The following NTRK3 variants were observed in gnomAD, a reference collection of about 807,000 sequenced individuals.
NTRK3 encodes neurotrophic receptor tyrosine kinase 3.
Under a neutral mutation model 91.7 loss-of-function variants are expected in NTRK3, and 24 were observed. That is an observed-to-expected ratio of 0.26 (90% CI 0.19 to 0.37). The LOEUF (loss-of-function observed/expected upper bound fraction) is 0.37. Ranked by LOEUF, NTRK3 falls within the 10% of genes least tolerant of loss-of-function variation. The probability of loss-of-function intolerance (pLI) is 1.00; values close to 1 mark genes in which losing one functional copy is unlikely to be tolerated. For synonymous variants in NTRK3, 483 were observed against 404.0 expected, an observed-to-expected ratio of 1.20 and a Z score of -2.34; for missense variants, 880 against 1,068.9, an observed-to-expected ratio of 0.82 and a Z score of 2.46.
intron 13 of NTRK3, among the ~76,000 whole-genome samples, chr15:88,041,414 C>G (rs149036788): frequency 8.3e-4 from 126 of 152,314 alleles, no homozygotes; most frequent in Middle Eastern, 3.4e-3. Context: ...TAGGCACTCA[C>G]TAGGACTGCA....
intron 14 of NTRK3, among the ~76,000 whole-genome samples, chr15:88,010,407 T>C (rs959409077): frequency 1.3e-5 from 2 of 152,224 alleles, no homozygotes; most frequent in Non-Finnish European, 2.9e-5. Context: ...CCACCGCCTC[T>C]ATAATGATTT....
At chr15:87,894,209 C>T (rs764685784) in intron 17 of NTRK3, among the ~76,000 whole-genome samples, 9 of 152,216 alleles carry the variant, frequency 5.9e-5, no homozygotes, top group Non-Finnish European at 8.8e-5. Flanking sequence ...TTCCACCTTG[C>T]TTGGCTGTCT....
chr15:88,042,070 G>A (rs2079678836), intron 13 of NTRK3, among the ~76,000 whole-genome samples: 1 of 152,040 alleles, frequency 6.6e-6, no homozygotes, highest in Admixed American at 6.6e-5. Context: ...TTAAGAAAAT[G>A]ATTTTTTTAA....
chr15:88,243,477 C>G lies in NTRK3; in HGVS notation c.248+12429G>C, dbSNP rs1288322203. Among the ~76,000 whole-genome samples, 2 of 151,742 alleles carry G rather than the reference C, an allele frequency of 1.3e-5. No homozygotes were observed. Among genetic ancestry groups the G allele is most frequent in the African/African-American group, 4.9e-5 (2 of 41,216 alleles). ...GCTGGAGTTTCTTCACCAGTAAAGC[C>G]CAAAGCTTAGCAGTGACCCCTACCC... On this transcript the variant is annotated intron_variant, in intron 3 of 18. Transcript: ENST00000394480. The surrounding 1 kb of genome is among the most constrained non-coding windows in gnomAD (Gnocchi z 4.8).
chr15:87,926,189 A>G (rs2068292571), intron 17 of NTRK3, among the ~76,000 whole-genome samples: 1 of 152,212 alleles, frequency 6.6e-6, no homozygotes, highest in Non-Finnish European at 1.5e-5. Flanking sequence ...CAATATGGAT[A>G]ATAAGACTTC....
exon 19 of NTRK3, chr15:87,874,477 T>C (rs1461158867): frequency 4.3e-6 from 1 of 232,106 alleles, no homozygotes; most frequent in Non-Finnish European, 8.5e-6. Flanking sequence ...GCCCTGAAGA[T>C]AAAACCATAG....
chr15:88,146,180 T>G (rs1373276467), intron 6 of NTRK3, among the ~76,000 whole-genome samples: 1 of 152,198 alleles, frequency 6.6e-6, no homozygotes, highest in Non-Finnish European at 1.5e-5. Context: ...TTAATTTACC[T>G]TTTCCACCTA....
At chr15:87,968,715 C>T (rs1434539926) in intron 14 of NTRK3, among the ~76,000 whole-genome samples, 1 of 152,074 alleles carries the variant, frequency 6.6e-6, no homozygotes, top group Non-Finnish European at 1.5e-5. Context: ...AGAGTATTGT[C>T]AAGGGTATGC....
intron 13 of NTRK3, among the ~76,000 whole-genome samples, chr15:88,039,614 A>G (rs998174410): frequency 6.6e-6 from 1 of 152,236 alleles, no homozygotes; most frequent in Admixed American, 6.5e-5. Flanking sequence ...GTTTATTCCA[A>G]GTTGGGATTC....
chr15:88,066,128 A>G (rs1286817875), intron 13 of NTRK3, among the ~76,000 whole-genome samples: 1 of 152,212 alleles, frequency 6.6e-6, no homozygotes, highest in African/African-American at 2.4e-5. Flanking sequence ...TTTTTAGCAT[A>G]AACTATTTTA....
chr15:88,008,628 C>T (rs1191118209), intron 14 of NTRK3, among the ~76,000 whole-genome samples: 2 of 152,040 alleles, frequency 1.3e-5, no homozygotes, highest in Non-Finnish European at 2.9e-5. Flanking sequence ...CTACTAAGTT[C>T]CCAGTTCTGA....
chr15:88,166,382 T>C (rs1476211367), intron 5 of NTRK3, among the ~76,000 whole-genome samples: 1 of 152,182 alleles, frequency 6.6e-6, no homozygotes, highest in African/African-American at 2.4e-5. Flanking sequence ...CCTAACTCTT[T>C]GCTTGTGCCA....
intron 17 of NTRK3, among the ~76,000 whole-genome samples, chr15:87,925,960 T>C (rs2068273591): frequency 6.6e-6 from 1 of 152,226 alleles, no homozygotes; most frequent in Admixed American, 6.5e-5. Flanking sequence ...CAGTAAGTAT[T>C]GTACTACAAG....
Position 88,135,890 on chromosome 15 carries a change from T to A in NTRK3, c.907+9A>T. 6.2e-7 allele frequency: 1 copy of A among 1,614,046 alleles called. No individual in the cohort carries two copies. The highest frequency in any genetic ancestry group is 8.5e-7 in the Non-Finnish European group (1 of 1,179,958). On this transcript the variant is annotated intron_variant, in intron 9 of 18. Transcript: ENST00000394480. ...CACACAGCCATCCCCCACAATAACA[T>A]GCACTTACAGTAGACAGTGAGGGCA...
intron 3 of NTRK3, among the ~76,000 whole-genome samples, chr15:88,191,806 A>G (rs2047419038): frequency 6.6e-6 from 1 of 152,262 alleles, no homozygotes; most frequent in South Asian, 2.1e-4. Flanking sequence ...CTAAGGCATC[A>G]AGGGGGCTGG....
intron 17 of NTRK3, among the ~76,000 whole-genome samples, chr15:87,918,883 C>T (rs946340070): frequency 6.6e-6 from 1 of 152,112 alleles, no homozygotes; most frequent in South Asian, 2.1e-4. Flanking sequence ...GAAGTGTTAA[C>T]TAGAGTTGAG....
intron 3 of NTRK3, among the ~76,000 whole-genome samples, chr15:88,226,555 G>A (rs1354756007): frequency 6.6e-6 from 1 of 152,190 alleles, no homozygotes; most frequent in African/African-American, 2.4e-5. Context: ...AGAGGCCAGG[G>A]AAGTCCAGCC....
chr15:88,077,703 G>C (rs2047674988), intron 13 of NTRK3, among the ~76,000 whole-genome samples: 1 of 152,142 alleles, frequency 6.6e-6, no homozygotes, highest in Admixed American at 6.5e-5. Flanking sequence ...GGCAGCAAGT[G>C]GGAAGACTGA....
chr15:88,141,850 C>T (rs1399392745), intron 6 of NTRK3, among the ~76,000 whole-genome samples: 3 of 152,218 alleles, frequency 2.0e-5, no homozygotes, highest in Non-Finnish European at 2.9e-5. Context: ...TTTTCTGCTT[C>T]CTTCCATCCT....
Sources: gnomAD v4.1 joint callset for allele counts (sites outside exome capture counted in the v4.1 genomes callset) on GRCh38, gnomAD v4.1.1 for gene constraint, Gnocchi (gnomAD v3.1) non-coding constraint, MANE v1.5 for transcripts, NCBI Gene and HGNC (gene_info 2026-07-23, HGNC 2026-07-21) for gene names.